DLG2: variants seen among roughly 807,000 people sequenced by gnomAD.
DLG2 encodes discs large MAGUK scaffold protein 2.
Under a neutral mutation model 132.5 loss-of-function variants are expected in DLG2, and 45 were observed. The ratio of observed to expected loss-of-function variants is 0.34; its 90% confidence interval spans 0.27 to 0.44. The LOEUF is 0.44. DLG2 is among the 20% of genes least tolerant of loss of function. The pLI is 1.00. For missense variants in DLG2, 1,045 were observed against 1,196.9 expected (o/e 0.87, Z 1.87); for synonymous variants, 424 against 419.6 (o/e 1.01, Z -0.13).
intron 21 of DLG2, among the ~76,000 whole-genome samples, chr11:83,506,977 A>C (rs1036499248): frequency 6.6e-6 from 1 of 152,142 alleles, no homozygotes; most frequent in African/African-American, 2.4e-5. Context: ...TCTGAGGCTC[A>C]GTGTCTGCCT....
At chr11:83,920,273 A>G (rs955315264) in intron 15 of DLG2, among the ~76,000 whole-genome samples, 17 of 152,178 alleles carry the variant, frequency 1.1e-4, no homozygotes, top group Non-Finnish European at 2.5e-4. Flanking sequence ...AGCCCTCTTC[A>G]AGAGATCCTT....
At chr11:84,233,064 C>T (rs1001158839) in intron 8 of DLG2, among the ~76,000 whole-genome samples, 2 of 152,156 alleles carry the variant, frequency 1.3e-5, no homozygotes, top group African/African-American at 4.8e-5. Context: ...AGCTAAAAAA[C>T]GATAGCTTCC....
intron 3 of DLG2, among the ~76,000 whole-genome samples, chr11:85,558,820 AAACT>A (rs1343378195): frequency 6.6e-6 from 1 of 151,868 alleles, no homozygotes; most frequent in East Asian, 1.9e-4. Context: ...CAAAGGTTGA[AAACT>A]AACTACTGGG....
At chr11:83,819,264 G>C (rs2050004229) in intron 17 of DLG2, among the ~76,000 whole-genome samples, 1 of 151,960 alleles carries the variant, frequency 6.6e-6, no homozygotes, top group Non-Finnish European at 1.5e-5. Context: ...GAGGTCAGGA[G>C]TTCGAGACCA....
intron 3 of DLG2, among the ~76,000 whole-genome samples, chr11:85,399,102 G>A (rs2087748835): frequency 6.6e-6 from 1 of 152,056 alleles, no homozygotes; most frequent in African/African-American, 2.4e-5. Context: ...CAAAATCAAT[G>A]TGCAAAAATC....
intron 3 of DLG2, among the ~76,000 whole-genome samples, chr11:85,376,844 C>G (rs1326471206): frequency 6.6e-6 from 1 of 152,010 alleles, no homozygotes. Flanking sequence ...CTTTGCATCC[C>G]CGGGAGGATA....
intron 18 of DLG2, among the ~76,000 whole-genome samples, chr11:83,707,437 A>T (rs1009798191): frequency 2.0e-5 from 3 of 152,184 alleles, no homozygotes; most frequent in East Asian, 3.9e-4. Context: ...TGGGAGGCCG[A>T]GGGGGGCAGA....
intron 7 of DLG2, among the ~76,000 whole-genome samples, chr11:84,450,891 A>C (rs1393783358): frequency 1.3e-5 from 2 of 151,834 alleles, no homozygotes; most frequent in Admixed American, 6.6e-5. Context: ...AAAAAAAAAA[A>C]AGAGTTATTT....
chr11:83,676,153 G>A (rs1347362501), intron 18 of DLG2, among the ~76,000 whole-genome samples: 1 of 152,140 alleles, frequency 6.6e-6, no homozygotes, highest in Non-Finnish European at 1.5e-5. Flanking sequence ...TTCAGGGGTG[G>A]ATATAAGCCA....
chr11:85,587,849 G>T (rs766321236), intron 3 of DLG2, among the ~76,000 whole-genome samples: 26 of 152,122 alleles, frequency 1.7e-4, no homozygotes, highest in Non-Finnish European at 7.4e-5. Flanking sequence ...TTTGTTTCAG[G>T]ATTTAGATCT....
chr11:83,853,234 G>C (rs1286895018), intron 16 of DLG2, among the ~76,000 whole-genome samples: 1 of 152,070 alleles, frequency 6.6e-6, no homozygotes, highest in Admixed American at 6.5e-5. Context: ...TCTGCCAGCA[G>C]TTGGCTTCCT....
intron 15 of DLG2, among the ~76,000 whole-genome samples, chr11:83,921,215 GTAATCAT>G (rs1469892305): frequency 2.0e-5 from 3 of 152,066 alleles, no homozygotes; most frequent in Non-Finnish European, 2.9e-5. Context: ...AGTGATTGTT[GTAATCAT>G]TATCCTCATA....
chr11:83,834,740 G>A (rs909002301), intron 16 of DLG2, among the ~76,000 whole-genome samples: 1 of 152,188 alleles, frequency 6.6e-6, no homozygotes, highest in South Asian at 2.1e-4. Context: ...ATAGTTCACT[G>A]AGTTTGTGTA....
intron 7 of DLG2, among the ~76,000 whole-genome samples, chr11:84,380,017 G>A (rs191999643): frequency 2.0e-5 from 3 of 152,034 alleles, no homozygotes; most frequent in East Asian, 1.9e-4. Flanking sequence ...CTATAAGAGA[G>A]TAGAGTTACA....
At chr11:84,563,985 C>CA (rs1175038239) in intron 6 of DLG2, among the ~76,000 whole-genome samples, 3 of 152,018 alleles carry the variant, frequency 2.0e-5, no homozygotes, top group Non-Finnish European at 2.9e-5. Flanking sequence ...ATCATTTACT[C>CA]AAAAAAATAA....
intron 3 of DLG2, among the ~76,000 whole-genome samples, chr11:85,529,546 A>G (rs1381091577): frequency 6.6e-6 from 1 of 152,120 alleles, no homozygotes; most frequent in Non-Finnish European, 1.5e-5. Context: ...AATAATTTTC[A>G]TCATGCTTTA....
At chr11:85,624,575 G>A (rs958909458) in intron 2 of DLG2, among the ~76,000 whole-genome samples, 2 of 152,102 alleles carry the variant, frequency 1.3e-5, no homozygotes, top group African/African-American at 2.4e-5. Context: ...TAAAAATACT[G>A]TTCTTATATT....
chr11:83,764,739 C>T (rs1265962711), intron 18 of DLG2, among the ~76,000 whole-genome samples: 1 of 152,188 alleles, frequency 6.6e-6, no homozygotes, highest in Non-Finnish European at 1.5e-5. Flanking sequence ...AGGGTTTGAA[C>T]ACAGGACTCT....
intron 3 of DLG2, among the ~76,000 whole-genome samples, chr11:85,323,483 T>C (rs1489577487): frequency 1.3e-5 from 2 of 152,230 alleles, no homozygotes; most frequent in Non-Finnish European, 2.9e-5. Context: ...CACAAATATT[T>C]GTCATTTCTT....
Sources: allele counts gnomAD v4.1 joint callset (sites outside exome capture counted in the v4.1 genomes callset), GRCh38; gene constraint gnomAD v4.1.1; transcripts MANE v1.5; gene names NCBI Gene and HGNC (gene_info 2026-07-23, HGNC 2026-07-21).